GRID2: variants seen among roughly 807,000 people sequenced by gnomAD.
GRID2 encodes glutamate ionotropic receptor delta type subunit 2.
In GRID2, 33 loss-of-function variants were observed where a neutral mutation model predicts 114.8. The observed-to-expected ratio is 0.29, with a 90% confidence interval of 0.22 to 0.38. The LOEUF (loss-of-function observed/expected upper bound fraction) is 0.38. Among genes scored for constraint, GRID2 ranks in the 10% least tolerant of loss-of-function variants. The pLI is 1.00. For synonymous variants in GRID2, 505 were observed against 449.9 expected (o/e 1.12, Z -1.55); for missense variants, 1,184 against 1,257.7 (o/e 0.94, Z 0.89).
intron 11 of GRID2, among the ~76,000 whole-genome samples, chr4:93,479,094 AT>A (rs1050258426): frequency 1.3e-5 from 2 of 151,998 alleles, no homozygotes; most frequent in South Asian, 2.1e-4. Context: ...GAGTCACACA[AT>A]TTTTTTTAAT....
intron 2 of GRID2, among the ~76,000 whole-genome samples, chr4:92,740,741 T>TAGATGGATAGATAGATAGAC (rs1274693364): frequency 2.8e-5 from 4 of 145,108 alleles, no homozygotes; most frequent in Non-Finnish European, 6.0e-5. Context: ...GATAGATAGA[T>TAGATGGATAGATAGATAGAC]GGATAGATAG....
At chr4:93,718,763 C>G (rs115218231) in intron 14 of GRID2, among the ~76,000 whole-genome samples, 61 of 152,092 alleles carry the variant, frequency 4.0e-4, no homozygotes, top group African/African-American at 1.4e-3. Flanking sequence ...GGATAAAACA[C>G]AAAACTGAAA....
intron 1 of GRID2, among the ~76,000 whole-genome samples, chr4:92,445,185 T>C (rs1733387015): frequency 6.6e-6 from 1 of 152,220 alleles, no homozygotes; most frequent in Non-Finnish European, 1.5e-5. Flanking sequence ...GATGATTTGA[T>C]TTTTGCCCTT....
At chr4:93,312,437 T>C (rs778986982) in intron 8 of GRID2, among the ~76,000 whole-genome samples, 11 of 152,276 alleles carry the variant, frequency 7.2e-5, no homozygotes, top group Non-Finnish European at 1.2e-4. Context: ...ACTTTTGACC[T>C]GGAGCTCATT....
chr4:92,487,306 A>T (rs568047224), intron 1 of GRID2, among the ~76,000 whole-genome samples: 3 of 152,130 alleles, frequency 2.0e-5, no homozygotes, highest in Admixed American at 6.5e-5. Flanking sequence ...AAATTTAAAC[A>T]TTTAATATGA....
chr4:92,496,349 A>G (rs564274314), intron 1 of GRID2, among the ~76,000 whole-genome samples: 1 of 151,860 alleles, frequency 6.6e-6, no homozygotes, highest in East Asian at 1.9e-4. Context: ...CTGGAATCTG[A>G]AAACAAAACA....
chr4:93,619,335 G>A (rs1742000132), intron 13 of GRID2, among the ~76,000 whole-genome samples: 2 of 152,176 alleles, frequency 1.3e-5, no homozygotes, highest in Admixed American at 1.3e-4. Context: ...CTACCGCCCA[G>A]AACCATGTGT....
At chr4:93,510,105 C>T (rs1729018354) in intron 12 of GRID2, among the ~76,000 whole-genome samples, 1 of 152,120 alleles carries the variant, frequency 6.6e-6, no homozygotes, top group Non-Finnish European at 1.5e-5. Context: ...GCCCTTTTGC[C>T]TGAAGCATCT....
At chr4:92,892,779 T>G (rs1746879934) in intron 2 of GRID2, among the ~76,000 whole-genome samples, 1 of 152,222 alleles carries the variant, frequency 6.6e-6, no homozygotes, top group Non-Finnish European at 1.5e-5. Context: ...AAATAGTATG[T>G]GGTCTTGCCA....
intron 2 of GRID2, among the ~76,000 whole-genome samples, chr4:92,980,798 T>C (rs1578665182): frequency 6.6e-6 from 1 of 152,272 alleles, no homozygotes; most frequent in South Asian, 2.1e-4. Flanking sequence ...AGCATAAATG[T>C]ATTCAAAGCA....
At chr4:93,484,101 TTTTA>T (rs1726139182) in intron 11 of GRID2, among the ~76,000 whole-genome samples, 1 of 151,924 alleles carries the variant, frequency 6.6e-6, no homozygotes, top group Non-Finnish European at 1.5e-5. Flanking sequence ...TATTTTCTTC[TTTTA>T]TTTAGTTTTT....
chr4:93,397,590 C>A (rs1321586990), intron 9 of GRID2, among the ~76,000 whole-genome samples: 1 of 151,816 alleles, frequency 6.6e-6, no homozygotes, highest in Admixed American at 6.6e-5. Context: ...AATATACAGA[C>A]CTTGTCCTCA....
At chr4:93,056,260 G>C (rs973541813) in intron 2 of GRID2, among the ~76,000 whole-genome samples, 1 of 151,942 alleles carries the variant, frequency 6.6e-6, no homozygotes, top group Non-Finnish European at 1.5e-5. Flanking sequence ...CACATTGATT[G>C]TTTTCTATCA....
chr4:93,090,880 C>T (rs1730726111), intron 3 of GRID2, among the ~76,000 whole-genome samples: 1 of 152,130 alleles, frequency 6.6e-6, no homozygotes, highest in African/African-American at 2.4e-5. Flanking sequence ...GACCTCCTCG[C>T]CCTCTGGTAA....
chr4:92,551,035 A>C (rs954033843), intron 1 of GRID2, among the ~76,000 whole-genome samples: 6 of 152,170 alleles, frequency 3.9e-5, no homozygotes, highest in Non-Finnish European at 8.8e-5. Flanking sequence ...GGGGATCACT[A>C]AAAGTAAGGT....
At chr4:92,901,613 T>C (rs1245245478) in intron 2 of GRID2, among the ~76,000 whole-genome samples, 1 of 152,160 alleles carries the variant, frequency 6.6e-6, no homozygotes, top group East Asian at 1.9e-4. Context: ...AGAATATTTA[T>C]AGTTTCATTT....
At chr4:92,532,229 A>G (rs1485698555) in intron 1 of GRID2, among the ~76,000 whole-genome samples, 1 of 152,174 alleles carries the variant, frequency 6.6e-6, no homozygotes, top group East Asian at 1.9e-4. Flanking sequence ...CCTACTGTGA[A>G]AACTCATTGT....
At chr4:93,688,753 C>A (rs1213366210) in intron 14 of GRID2, among the ~76,000 whole-genome samples, 2 of 152,008 alleles carry the variant, frequency 1.3e-5, no homozygotes, top group Non-Finnish European at 2.9e-5. Flanking sequence ...TTTATTTAAC[C>A]ATCACAATAA....
At chr4:93,584,270 A>C in intron 13 of GRID2, among the ~76,000 whole-genome samples, 1 of 152,180 alleles carries the variant, frequency 6.6e-6, no homozygotes, top group Non-Finnish European at 1.5e-5. Context: ...ACAAACTAGA[A>C]AGCAATATTG....
Sources: gnomAD v4.1 joint callset for allele counts (sites outside exome capture counted in the v4.1 genomes callset) on GRCh38, gnomAD v4.1.1 for gene constraint, MANE v1.5 for transcripts, NCBI Gene and HGNC (gene_info 2026-07-23, HGNC 2026-07-21) for gene names.